The following OPTN variants were observed in gnomAD, a reference collection of about 807,000 sequenced individuals.
OPTN encodes E3-14.7K-interacting protein.
A neutral mutation model predicts 70.4 loss-of-function variants in OPTN; 54 were observed. The ratio of observed to expected loss-of-function variants is 0.77; its 90% confidence interval spans 0.62 to 0.96. OPTN has a LOEUF of 0.96. Among genes scored for constraint, OPTN ranks in the 40% least tolerant of loss-of-function variants. OPTN has a pLI of 0.00. For missense variants in OPTN, 624 were observed against 673.2 expected, an observed-to-expected ratio of 0.93 and a Z score of 0.81; for synonymous variants, 256 against 248.5, an observed-to-expected ratio of 1.03 and a Z score of -0.28.
rs1318021281 is a variant in OPTN, at chr10:13,109,039, G to T, written c.-11-73G>T. 3.7e-6 allele frequency: 5 copies of T among 1,368,782 alleles called. No homozygotes were observed. In the Admixed American group the frequency reaches 8.4e-5, roughly 23 times the overall value. 84.8% of individuals were successfully genotyped at this position (1,368,782 alleles called of 1,614,324 possible). On this transcript the variant is annotated intron_variant, in intron 2 of 14. Transcript: ENST00000378747. ...GAGTAAGTATTAGCAATCGCCAATGGGTTTGTGGGACTCCCGGGGACCCCT... is the reference window on the plus strand; with the variant it reads ...GAGTAAGTATTAGCAATCGCCAATGTGTTTGTGGGACTCCCGGGGACCCCT...
rs1482860876 is a variant in OPTN at position 13,122,278 on chromosome 10, C to T, written c.780-107C>T. ...TGTAGAGATTTTGAAAACCCCTGATCCTTTATCCCAATTGTAAACAATGTT... is the reference window on the plus strand; with the variant it reads ...TGTAGAGATTTTGAAAACCCCTGATTCTTTATCCCAATTGTAAACAATGTT... On this transcript the variant is annotated intron_variant, in intron 7 of 14. Coordinates refer to ENST00000378747, the MANE Select transcript of OPTN (RefSeq NM_001008212.2). 1.0e-5 allele frequency: 8 copies of T among 779,350 alleles called. No individual in the cohort carries two copies. The East Asian group carries it at 1.6e-4, about 16-fold the overall frequency. The allele number at this position is 779,350 out of a possible 1,614,324, so 48.3% of individuals were successfully genotyped here.
At chr10:13,135,736 G>T (rs1417143449) in intron 14 of OPTN, among the ~76,000 whole-genome samples, 1 of 152,032 alleles carries the variant, frequency 6.6e-6, no homozygotes, top group East Asian at 1.9e-4. Context: ...GACCTCTCCT[G>T]GGCTCTGTGG....
chr10:13,119,260 C>G (rs1279799747), intron 7 of OPTN, among the ~76,000 whole-genome samples: 1 of 152,200 alleles, frequency 6.6e-6, no homozygotes, highest in African/African-American at 2.4e-5. Flanking sequence ...CTTTCTGTCT[C>G]TATAGATTTG....
intron 9 of OPTN, 142 bp downstream of exon 9, chr10:13,124,252 C>G (rs1370223814): frequency 5.0e-6 from 3 of 599,314 alleles, no homozygotes; most frequent in Non-Finnish European, 8.8e-6. Context: ...TCAGAATATA[C>G]TAATGTTCCA....
intron 13 of OPTN, 47 bp downstream of exon 13, chr10:13,132,244 G>A (rs756808023): frequency 5.6e-6 from 9 of 1,602,418 alleles, no homozygotes; most frequent in East Asian, 2.2e-5. Context: ...CAGCATGGCC[G>A]TAGAAGAGGT....
intron 7 of OPTN, among the ~76,000 whole-genome samples, chr10:13,120,570 C>CAA (rs757531804): frequency 2.7e-5 from 2 of 75,444 alleles, no homozygotes. Context: ...GACTCTGTCT[C>CAA]AAAAAAAAAA....
At chr10:13,124,800 G>A (rs1331921971) in intron 9 of OPTN, among the ~76,000 whole-genome samples, 1 of 152,206 alleles carries the variant, frequency 6.6e-6, no homozygotes, top group Non-Finnish European at 1.5e-5. Context: ...CAACTTATTT[G>A]TGTTGGGCAA....
chr10:13,131,945 T>C (rs551755065), intron 12 of OPTN, 122 bp from the exon 13 acceptor site: 28 of 919,940 alleles, frequency 3.0e-5, no homozygotes, highest in Admixed American at 5.7e-5. Flanking sequence ...TCTAGCAGGA[T>C]TGTGCATCTG....
At chr10:13,133,284 C>A (rs192463396) in intron 13 of OPTN, among the ~76,000 whole-genome samples, 3 of 152,240 alleles carry the variant, frequency 2.0e-5, no homozygotes, top group African/African-American at 2.4e-5. Context: ...CTACTGATGA[C>A]AGTTTGGTTA....
At chr10:13,125,281 A>G (rs1222470699) in intron 9 of OPTN, 137 bp from the exon 10 acceptor site, 7 of 882,296 alleles carry the variant, frequency 7.9e-6, no homozygotes, top group Non-Finnish European at 1.3e-5. Context: ...AGCAAGGAGG[A>G]TTATGTATTT....
intron 12 of OPTN, among the ~76,000 whole-genome samples, chr10:13,130,694 AG>A (rs1201030840): frequency 2.0e-5 from 3 of 152,112 alleles, no homozygotes; most frequent in East Asian, 3.8e-4. Flanking sequence ...TAGAATATTT[AG>A]ATTTTTAATT....
chr10:13,132,433 C>T (rs1397445616), intron 13 of OPTN, among the ~76,000 whole-genome samples: 1 of 152,098 alleles, frequency 6.6e-6, no homozygotes, highest in Non-Finnish European at 1.5e-5. Flanking sequence ...TACAGGAAAG[C>T]TTGACAGAGA....
chr10:13,126,090 T>C (rs377001524), intron 11 of OPTN, 51 bp downstream of exon 11: 18 of 1,069,258 alleles, frequency 1.7e-5, no homozygotes, highest in Non-Finnish European at 2.3e-5. Context: ...ACAGAAACTG[T>C]TGAACGTTTT....
intron 4 of OPTN, 105 bp downstream of exon 4, chr10:13,110,581 G>A: frequency 6.9e-6 from 8 of 1,163,944 alleles, no homozygotes; most frequent in South Asian, 1.3e-5. Context: ...TCATGGTTCA[G>A]TCTGGATTGG....
Position 13,110,407 on chromosome 10 carries a change from G to C in OPTN, c.300G>C (p.Leu100Phe). ...AAGCAAAAGAGCGTCTAATGGCCTT[G>C]AGTCATGAGAATGAGAAATTGAAGG... ...SKEAKERLMA[L>F]SHENEKLKEE... The change falls in exon 4 of 15, where the codon TTG becomes TTC. Residue 100 changes from leucine to phenylalanine, a missense_variant. Coordinates refer to ENST00000378747, the MANE Select transcript of OPTN (RefSeq NM_001008212.2). 3 of 1,614,110 alleles carry C rather than the reference G, an allele frequency of 1.9e-6. No homozygotes were observed. Among genetic ancestry groups the C allele is most frequent in the Non-Finnish European group, 1.7e-6 (2 of 1,179,980 alleles).
rs1185034990 is a variant in OPTN at position 13,116,248 on chromosome 10, T to C, written c.553-19T>C. The C allele has an allele frequency of 2.0e-6, 3 of 1,501,928 alleles. No individual in the cohort carries two copies. In the Admixed American group the frequency reaches 5.0e-5, roughly 25 times the overall value. 93.0% of individuals were successfully genotyped at this position (1,501,928 alleles called of 1,614,324 possible). ...TGTAGACATATTGTGTTAAATCCCTTGCATTTCTGTTTTCACAGGAAGGAG... is the reference window on the plus strand; with the variant it reads ...TGTAGACATATTGTGTTAAATCCCTCGCATTTCTGTTTTCACAGGAAGGAG... On this transcript the variant is annotated intron_variant, in intron 5 of 14. Coordinates refer to ENST00000378747, the MANE Select transcript of OPTN (RefSeq NM_001008212.2).
At chr10:13,104,866 G>T (rs1357550056) in intron 1 of OPTN, 2 of 339,962 alleles carry the variant, frequency 5.9e-6, no homozygotes, top group African/African-American at 4.4e-5. Context: ...CAGCATGGGG[G>T]TGACCAGGGG....
In OPTN at chr10:13,127,506, C is replaced by T. The variant is rs149572820; in HGVS notation, c.1243-239C>T. ...AAATACAACTTTCTGAATAAGTTAG[C>T]GTTGCTGATTAATAGACTGGTTAGA... is the stretch of plus-strand genomic sequence containing the variant. On this transcript the variant is annotated intron_variant, in intron 11 of 14. Coordinates refer to ENST00000378747, the MANE Select transcript of OPTN (RefSeq NM_001008212.2). Among the ~76,000 whole-genome samples the T allele has an allele frequency of 3.9e-4, 60 of 152,038 alleles. 1 individual carries two copies. Among genetic ancestry groups the T allele is most frequent in the Admixed American group, 1.3e-3 (20 of 15,268 alleles).
intron 14 of OPTN, among the ~76,000 whole-genome samples, chr10:13,135,299 G>C (rs1833676630): frequency 6.6e-6 from 1 of 152,054 alleles, no homozygotes; most frequent in African/African-American, 2.4e-5. Context: ...GCTAGGGTCA[G>C]GGCTTATTTC....
Sources: allele counts gnomAD v4.1 joint callset (sites outside exome capture counted in the v4.1 genomes callset), GRCh38; gene constraint gnomAD v4.1.1; transcripts MANE v1.5; gene names NCBI Gene and HGNC (gene_info 2026-07-23, HGNC 2026-07-21).